The following MCU variants were observed in gnomAD, a reference collection of about 807,000 sequenced individuals.
MCU encodes the protein mitochondrial calcium uniporter.
In MCU, 12 loss-of-function variants were observed where a neutral mutation model predicts 45.2. The ratio of observed to expected loss-of-function variants is 0.27; its 90% CI spans 0.17 to 0.43. The LOEUF is 0.43. Ranked by LOEUF, MCU falls within the 20% of genes least tolerant of loss-of-function variation. The pLI is 1.00. For missense variants in MCU, 324 were observed against 436.7 expected (o/e 0.74, Z 2.30); for synonymous variants, 160 against 165.1 (o/e 0.97, Z 0.24).
chr10:72,694,286 T>G (rs1011819299), intron 1 of MCU, among the ~76,000 whole-genome samples: 1 of 152,234 alleles, frequency 6.6e-6, no homozygotes, highest in African/African-American at 2.4e-5. Flanking sequence ...AGTCTGTGAT[T>G]CTTTACAAGA....
intron 6 of MCU, among the ~76,000 whole-genome samples, chr10:72,878,521 T>C (rs1285030079): frequency 2.0e-5 from 3 of 152,180 alleles, no homozygotes; most frequent in African/African-American, 4.8e-5. Flanking sequence ...ACTCCAGATA[T>C]TGGTATTATC....
At chr10:72,810,334 C>T (rs559710296) in intron 1 of MCU, among the ~76,000 whole-genome samples, 140 of 152,036 alleles carry the variant, frequency 9.2e-4, no homozygotes, top group African/African-American at 3.0e-3. Context: ...ACGTCTTTGA[C>T]TGAGAGGCAG....
chr10:72,787,292 A>G (rs1844088076), intron 1 of MCU, among the ~76,000 whole-genome samples: 1 of 152,230 alleles, frequency 6.6e-6, no homozygotes, highest in Non-Finnish European at 1.5e-5. Flanking sequence ...TTTTTGAGAC[A>G]GAATCTCGCT....
chr10:72,796,256 T>TA (rs1308670939), intron 1 of MCU, among the ~76,000 whole-genome samples: 1 of 151,962 alleles, frequency 6.6e-6, no homozygotes, highest in Non-Finnish European at 1.5e-5. Context: ...CTGGCCAACA[T>TA]AGTGAGACCC....
chr10:72,871,511 G>A lies in MCU; in HGVS notation c.792G>A (p.Glu264=), dbSNP rs763731563. ...GGGAATATTCCTGGGACATCATGGA[G>A]CCAGTAACATACTTCATCACTTATG... The part of the protein sequence containing the change: ...TWWEYSWDIM[E]PVTYFITYGS... The change falls in exon 6 of 8, where the codon GAG becomes GAA. Residue 264 remains glutamate, a synonymous_variant. Transcript: ENST00000373053. 3.1e-6 allele frequency: 5 copies of A among 1,614,228 alleles called. No individual in the cohort carries two copies. In the East Asian group the frequency reaches 6.7e-5, roughly 22 times the overall value.
chr10:72,882,808 T>C (rs1270618679), intron 6 of MCU, among the ~76,000 whole-genome samples: 2 of 152,166 alleles, frequency 1.3e-5, no homozygotes, highest in African/African-American at 2.4e-5. Flanking sequence ...ATTCGTACAC[T>C]CCCTCCCCTT....
intron 1 of MCU, among the ~76,000 whole-genome samples, chr10:72,766,213 G>T (rs916810985): frequency 2.0e-5 from 3 of 152,176 alleles, no homozygotes; most frequent in Non-Finnish European, 4.4e-5. Flanking sequence ...AAAGTTAAGA[G>T]AAAGTTGCAA....
At chr10:72,726,207 A>G (rs1028422130) in intron 1 of MCU, among the ~76,000 whole-genome samples, 10 of 150,466 alleles carry the variant, frequency 6.6e-5, no homozygotes, top group Non-Finnish European at 1.3e-4. Flanking sequence ...GCTCCACCCT[A>G]TTTGTTTTTT....
At chr10:72,733,479 A>G (rs546479167) in intron 1 of MCU, among the ~76,000 whole-genome samples, 22 of 151,964 alleles carry the variant, frequency 1.4e-4, no homozygotes, top group Admixed American at 1.2e-3. Context: ...AACAAAAACT[A>G]TCTTGTACTG....
intron 2 of MCU, among the ~76,000 whole-genome samples, chr10:72,838,515 G>T (rs995328387): frequency 5.3e-5 from 8 of 152,150 alleles, no homozygotes. Flanking sequence ...GGAGGCTAAG[G>T]TGGGAGGATT....
intron 1 of MCU, among the ~76,000 whole-genome samples, chr10:72,701,204 A>G (rs1055120932): frequency 5.3e-5 from 8 of 152,222 alleles, no homozygotes; most frequent in Non-Finnish European, 1.0e-4. Context: ...CTTGGTTTCT[A>G]TAGATAGAGG....
intron 1 of MCU, among the ~76,000 whole-genome samples, chr10:72,758,370 A>G (rs895174676): frequency 4.6e-5 from 7 of 152,098 alleles, no homozygotes; most frequent in Non-Finnish European, 7.4e-5. Flanking sequence ...TCAAAGAGGA[A>G]TATTTTGGGG....
intron 1 of MCU, among the ~76,000 whole-genome samples, chr10:72,818,716 G>A (rs962235156): frequency 3.3e-5 from 5 of 151,888 alleles, no homozygotes; most frequent in East Asian, 1.9e-4. Flanking sequence ...TGGTGCATAC[G>A]TGTAATCCCA....
intron 2 of MCU, among the ~76,000 whole-genome samples, chr10:72,846,665 A>G (rs1845127956): frequency 6.6e-6 from 1 of 152,086 alleles, no homozygotes; most frequent in Non-Finnish European, 1.5e-5. Context: ...CTAATTTATA[A>G]ATTAAACTTA....
intron 2 of MCU, among the ~76,000 whole-genome samples, chr10:72,851,248 T>A (rs1256806214): frequency 6.6e-6 from 1 of 152,230 alleles, no homozygotes; most frequent in African/African-American, 2.4e-5. Flanking sequence ...ACCTTCATAT[T>A]CTCTGTTGAC....
At chr10:72,871,645 C>G (rs1845544870) in intron 6 of MCU, 65 bp downstream of exon 6, 2 of 1,406,926 alleles carry the variant, frequency 1.4e-6, no homozygotes, top group Admixed American at 1.7e-5. Context: ...CAAAAGAGTT[C>G]TTTTTTCTCA....
chr10:72,826,685 A>G (rs972314583), intron 1 of MCU, among the ~76,000 whole-genome samples: 3 of 152,224 alleles, frequency 2.0e-5, no homozygotes, highest in African/African-American at 7.2e-5. Flanking sequence ...CATTTAACAG[A>G]TACAGTACAG....
At chr10:72,754,729 G>T (rs1299399876) in intron 1 of MCU, among the ~76,000 whole-genome samples, 1 of 152,154 alleles carries the variant, frequency 6.6e-6, no homozygotes, top group Non-Finnish European at 1.5e-5. Flanking sequence ...CTCCCAAACT[G>T]CTGGGATTAC....
At chr10:72,700,532 A>C (rs1421199030) in intron 1 of MCU, among the ~76,000 whole-genome samples, 1 of 152,252 alleles carries the variant, frequency 6.6e-6, no homozygotes, top group Non-Finnish European at 1.5e-5. Context: ...AGCTTGTGTA[A>C]AAATGAAAGT....
Sources: allele counts gnomAD v4.1 joint callset (sites outside exome capture counted in the v4.1 genomes callset), GRCh38; gene constraint gnomAD v4.1.1; transcripts MANE v1.5; gene names NCBI Gene and HGNC (gene_info 2026-07-23, HGNC 2026-07-21).